The following OR5T1 variants were observed in gnomAD, a reference collection of about 807,000 sequenced individuals.
The protein encoded by OR5T1 is olfactory receptor 5T1.
Under a neutral mutation model 10.1 loss-of-function variants are expected in OR5T1, and 14 were observed. The observed-to-expected ratio is 1.39, with a 90% CI of 0.92 to 2.18. The LOEUF is 2.18. Ranked by LOEUF, OR5T1 falls within the 30% of genes most tolerant of loss-of-function variation. The pLI is 0.00. For synonymous variants in OR5T1, 166 were observed against 141.2 expected, an observed-to-expected ratio of 1.18 and a Z score of -1.24; for missense variants, 461 against 383.9, an observed-to-expected ratio of 1.20 and a Z score of -1.68.
chr11:56,274,507 A>G (rs1853912540), intron 1 of OR5T1, 129 bp from the exon 2 acceptor site: 1 of 152,208 alleles, frequency 6.6e-6, no homozygotes, highest in Non-Finnish European at 1.5e-5. Context: ...AGGACTTCAC[A>G]GGCATAATGA....
rs955751895 is a variant in OR5T1 at position 56,275,346 on chromosome 11, C to T, written c.-153-140C>T. 5.0e-5 allele frequency: 12 copies of T among 241,146 alleles called. No homozygotes were observed. In the South Asian group the frequency reaches 6.8e-4, roughly 14 times the overall value. The allele number at this position is 241,146 out of a possible 1,614,324, so 14.9% of individuals were successfully genotyped here. Reference sequence around the variant, plus strand: ...GTTCTCATTGTTCAACTCCCACTTACGTGTGAGAACATGCGGTGTTTGGTT... The same window carrying T: ...GTTCTCATTGTTCAACTCCCACTTATGTGTGAGAACATGCGGTGTTTGGTT... On this transcript the variant is annotated intron_variant, in intron 2 of 2. Transcript: ENST00000641665.
At position 56,276,758 on chromosome 11, in the gene OR5T1, A is replaced by T; in HGVS notation, c.*139A>T. 1.6e-6 allele frequency: 1 copy of T among 636,632 alleles called. No individual in the cohort carries two copies. The highest frequency in any genetic ancestry group is 2.7e-6 in the Non-Finnish European group (1 of 370,884). 39.4% of individuals were successfully genotyped at this position (636,632 alleles called of 1,614,324 possible). Reference sequence around the variant, plus strand: ...AATATTTTCAAATAAAGCATCAATCAGCCTACTAATTCACCATTTTAGAAA... The same window carrying T: ...AATATTTTCAAATAAAGCATCAATCTGCCTACTAATTCACCATTTTAGAAA... On this transcript the variant is annotated 3_prime_UTR_variant, in exon 3 of 3. Coordinates refer to ENST00000641665, the MANE Select transcript of OR5T1 (RefSeq NM_001004745.2).
chr11:56,276,466 CA>C lies in OR5T1; in HGVS notation c.829del (p.Ser277AlafsTer8). ...ILFMYVRPSS[S>X]YTSDNDMIVS... The stretch of plus-strand genomic sequence containing the variant: ...TCTTCATGTATGTGAGACCAAGTTC[CA>C]GCTACACTTCGGACAATGACATGAT... On this transcript the variant is annotated frameshift_variant, in exon 3 of 3. Coordinates refer to ENST00000641665, the MANE Select transcript of OR5T1 (RefSeq NM_001004745.2). LOFTEE classifies it low-confidence loss of function (END_TRUNC). The C allele has an allele frequency of 6.2e-7, 1 of 1,614,066 alleles. No individual in the cohort carries two copies. Among genetic ancestry groups the C allele is most frequent in the South Asian group, 1.1e-5 (1 of 91,074 alleles).
chr11:56,275,761 A>C lies in OR5T1; in HGVS notation c.123A>C (p.Leu41Phe). ...TTGATGTGCAAGTCTTCCTATTTTT[A>C]TTATTTTTAGCAATCTATCTATTCA... ...EEFDVQVFLF[L>F]LFLAIYLFTL... The change falls in exon 3 of 3, where the codon TTA (leucine) becomes TTC (phenylalanine). Residue 41 changes from leucine to phenylalanine, a missense_variant. Physicochemically the swap from Leu to Phe is conservative, Grantham distance 22. Coordinates refer to ENST00000641665, the MANE Select transcript of OR5T1 (RefSeq NM_001004745.2). The C allele has an allele frequency of 6.2e-7, 1 of 1,612,404 alleles. No homozygotes were observed. The highest frequency in any genetic ancestry group is 1.7e-5 in the Admixed American group (1 of 59,986).
Position 56,275,846 on chromosome 11 carries a change from C to A in OR5T1, c.208C>A (p.Pro70Thr), listed in dbSNP as rs1433316027. The A allele has an allele frequency of 1.2e-6, 2 of 1,613,994 alleles. No individual in the cohort carries two copies. The highest frequency in any genetic ancestry group is 2.7e-5 in the African/African-American group (2 of 75,022). ...PIIGDFWLHSPMYYFLGVLSF... is the reference protein window; with the variant it reads ...PIIGDFWLHSTMYYFLGVLSF... ...CATTGGGGATTTCTGGCTTCACAGC[C>A]CAATGTACTATTTTCTTGGTGTTTT... Residue 70 changes from proline to threonine, a missense_variant, in exon 3 of 3, where the codon CCA (proline) becomes ACA (threonine). Physicochemically the swap from Pro to Thr is conservative, Grantham distance 38. Transcript: ENST00000641665.
intron 2 of OR5T1, 129 bp downstream of exon 2, chr11:56,274,882 G>C (rs1039979891): frequency 6.6e-6 from 1 of 151,640 alleles, no homozygotes; most frequent in African/African-American, 2.4e-5. Flanking sequence ...TAGTTATCTG[G>C]GCATATTTAA....
At position 56,275,572 on chromosome 11, in the gene OR5T1, A is replaced by C; in HGVS notation, c.-67A>C. 1 of 1,247,586 alleles carries C rather than the reference A, an allele frequency of 8.0e-7. No homozygotes were observed. Among genetic ancestry groups the C allele is most frequent in the Non-Finnish European group, 1.1e-6 (1 of 900,508 alleles). The allele number at this position is 1,247,586 out of a possible 1,614,324, so 77.3% of individuals were successfully genotyped here. On this transcript the variant is annotated 5_prime_UTR_variant, in exon 3 of 3. Coordinates refer to ENST00000641665, the MANE Select transcript of OR5T1 (RefSeq NM_001004745.2). ...CTTGCTTTTCCAAGAAACGAACATGAGGATATAATTGGATAAACTTAATTT... is the reference window on the plus strand; with the variant it reads ...CTTGCTTTTCCAAGAAACGAACATGCGGATATAATTGGATAAACTTAATTT...
chr11:56,276,495 T>C lies in OR5T1; in HGVS notation c.857T>C (p.Val286Ala). The change falls in exon 3 of 3, where the codon GTG (valine) becomes GCG (alanine). Residue 286 changes from valine to alanine, a missense_variant. Val to Ala is a moderately conservative substitution (Grantham distance 64). Coordinates refer to ENST00000641665, the MANE Select transcript of OR5T1 (RefSeq NM_001004745.2). ...TACACTTCGGACAATGACATGATAG[T>C]GTCAATATTTTATACCATTGTGATT... ...SSYTSDNDMI[V>A]SIFYTIVIPM... 6.2e-7 allele frequency: 1 copy of C among 1,614,050 alleles called. No individual in the cohort carries two copies.
Position 56,275,974 on chromosome 11 carries a change from G to C in OR5T1, c.336G>C (p.Gln112His). Residue 112 changes from glutamine (Q) to histidine (H), a missense_variant, in exon 3 of 3, where the codon CAG becomes CAC. By Grantham distance (24) the Gln-to-His change is conservative. Transcript: ENST00000641665. ...TTTCATTTCTTGGATGTGCAACACA[G>C]ATGTTTCTTGCTTGTACTTTTGGAA... Reference protein sequence around the residue: ...KSISFLGCATQMFLACTFGTT... With the variant: ...KSISFLGCATHMFLACTFGTT... 1 of 1,614,140 alleles carries C rather than the reference G, an allele frequency of 6.2e-7. No homozygotes were observed. Among genetic ancestry groups the C allele is most frequent in the Non-Finnish European group, 8.5e-7 (1 of 1,180,038 alleles).
chr11:56,274,429 G>A (rs545174659), intron 1 of OR5T1, among the ~76,000 whole-genome samples: 16 of 151,992 alleles, frequency 1.1e-4, no homozygotes, highest in South Asian at 2.1e-4. Flanking sequence ...CAGAAGTTAC[G>A]TAAGAATCAT....
rs776340991 is a variant in OR5T1, at chr11:56,276,394, A to C, written c.756A>C (p.Thr252=). 7 of 1,613,986 alleles carry C rather than the reference A, an allele frequency of 4.3e-6. No homozygotes were observed. In the East Asian group the frequency reaches 1.3e-4, roughly 31 times the overall value. The change falls in exon 3 of 3, where the codon ACA becomes ACC. Residue 252 remains threonine, a synonymous_variant. Transcript: ENST00000641665. ...AAGGGAGGAGAAAAGTCTTCTCTAC[A>C]TGTGGAGCTCACCTAACTGGAGTGA... The part of the protein sequence containing the change: ...SAEGRRKVFS[T]CGAHLTGVTI...
Position 56,275,957 on chromosome 11 carries a change from C to A in OR5T1, c.319C>A (p.Leu107Ile), listed in dbSNP as rs1853933517. Reference protein sequence around the residue: ...FLAKNKSISFLGCATQMFLAC... With the variant: ...FLAKNKSISFIGCATQMFLAC... ...GGCAAAAAATAAATCTATTTCATTTCTTGGATGTGCAACACAGATGTTTCT... is the reference window on the plus strand; with the variant it reads ...GGCAAAAAATAAATCTATTTCATTTATTGGATGTGCAACACAGATGTTTCT... Residue 107 changes from leucine (L) to isoleucine (I), a missense_variant, in exon 3 of 3, where the codon CTT becomes ATT. By Grantham distance (5) the Leu-to-Ile change is conservative (BLOSUM62 2). Coordinates refer to ENST00000641665, the MANE Select transcript of OR5T1 (RefSeq NM_001004745.2). 1 of 1,614,138 alleles carries A rather than the reference C, an allele frequency of 6.2e-7. No individual in the cohort carries two copies. Among genetic ancestry groups the A allele is most frequent in the East Asian group, 2.2e-5 (1 of 44,874 alleles).
chr11:56,275,599 C>A lies in OR5T1; in HGVS notation c.-40C>A. 6.8e-7 allele frequency: 1 copy of A among 1,477,914 alleles called. No homozygotes were observed. The highest frequency in any genetic ancestry group is 9.1e-7 in the Non-Finnish European group (1 of 1,103,680). The allele number at this position is 1,477,914 out of a possible 1,614,324, so 91.6% of individuals were successfully genotyped here. On this transcript the variant is annotated 5_prime_UTR_variant, in exon 3 of 3. Transcript: ENST00000641665. Reference sequence around the variant, plus strand: ...GATATAATTGGATAAACTTAATTTTCACAGGCTGTTGCATTTAGTACATAT... The same window carrying A: ...GATATAATTGGATAAACTTAATTTTAACAGGCTGTTGCATTTAGTACATAT...
Position 56,275,847 on chromosome 11 carries a change from C to G in OR5T1, c.209C>G (p.Pro70Arg), listed in dbSNP as rs1853931015. The change falls in exon 3 of 3, where the codon CCA becomes CGA. Residue 70 changes from proline (P) to arginine (R), a missense_variant. Coordinates refer to ENST00000641665, the MANE Select transcript of OR5T1 (RefSeq NM_001004745.2). ...ATTGGGGATTTCTGGCTTCACAGCC[C>G]AATGTACTATTTTCTTGGTGTTTTA... ...PIIGDFWLHS[P>R]MYYFLGVLSF... 5.6e-6 allele frequency: 9 copies of G among 1,613,916 alleles called. No individual in the cohort carries two copies. The highest frequency in any genetic ancestry group is 2.2e-5 in the East Asian group (1 of 44,890).
intron 2 of OR5T1, 135 bp from the exon 3 acceptor site, chr11:56,275,351 G>A (rs533611481): frequency 1.3e-4 from 33 of 255,016 alleles, no homozygotes; most frequent in Admixed American, 1.2e-3. Context: ...ACTTACGTGT[G>A]AGAACATGCG....
chr11:56,276,384 T>G lies in OR5T1; in HGVS notation c.746T>G (p.Val249Gly). ...CAGTCTGCTGAAGGGAGGAGAAAAG[T>G]CTTCTCTACATGTGGAGCTCACCTA... ...KMQSAEGRRK[V>G]FSTCGAHLTG... Residue 249 changes from valine (V) to glycine (G), a missense_variant, in exon 3 of 3, where the codon GTC (valine) becomes GGC (glycine). Coordinates refer to ENST00000641665, the MANE Select transcript of OR5T1 (RefSeq NM_001004745.2). 6.2e-7 allele frequency: 1 copy of G among 1,614,140 alleles called. No homozygotes were observed. The highest frequency in any genetic ancestry group is 8.5e-7 in the Non-Finnish European group (1 of 1,180,028).
In OR5T1 at chr11:56,276,687, A is replaced by G; in HGVS notation, c.*68A>G. 2.6e-6 allele frequency: 3 copies of G among 1,160,646 alleles called. No homozygotes were observed. The highest frequency in any genetic ancestry group is 3.7e-6 in the Non-Finnish European group (3 of 812,894). The allele number at this position is 1,160,646 out of a possible 1,614,324, so 71.9% of individuals were successfully genotyped here. On this transcript the variant is annotated 3_prime_UTR_variant, in exon 3 of 3. Coordinates refer to ENST00000641665, the MANE Select transcript of OR5T1 (RefSeq NM_001004745.2). ...CCACATCTCTATGGTCAGAAAGTAG[A>G]GAAGAAAATGTGTTTCTTTTAGTTA...
In OR5T1 at chr11:56,276,287, T is replaced by G. The variant is rs371945161; in HGVS notation, c.649T>G (p.Ser217Ala). ...IQLLFFYFVGSIEIVTILIVL... is the reference protein window; with the variant it reads ...IQLLFFYFVGAIEIVTILIVL... ...GCTTCTATTCTTCTACTTTGTGGGC[T>G]CTATTGAGATAGTCACTATCCTGAT... The change falls in exon 3 of 3, where the codon TCT becomes GCT. Residue 217 changes from serine (S) to alanine (A), a missense_variant. Physicochemically the swap from Ser to Ala is moderately conservative, Grantham distance 99. Transcript: ENST00000641665. 2 of 1,614,128 alleles carry G rather than the reference T, an allele frequency of 1.2e-6. No homozygotes were observed. The highest frequency in any genetic ancestry group is 1.7e-6 in the Non-Finnish European group (2 of 1,180,006).
rs1251731785 is a variant in OR5T1 at position 56,275,800 on chromosome 11, T to C, written c.162T>C (p.Asn54=). The change falls in exon 3 of 3, where the codon AAT becomes AAC. Residue 54 remains asparagine, a synonymous_variant. Transcript: ENST00000641665. ...TCTATCTATTCACTCTAATAGGCAA[T>C]TTAGGGCTGGTTGTACCGATCATTG... ...LAIYLFTLIG[N]LGLVVPIIGD... is the part of the protein sequence containing the mutation. 1.9e-6 allele frequency: 3 copies of C among 1,613,272 alleles called. No homozygotes were observed. Among genetic ancestry groups the C allele is most frequent in the Non-Finnish European group, 2.5e-6 (3 of 1,179,298 alleles).
Sources: allele counts gnomAD v4.1 joint callset (sites outside exome capture counted in the v4.1 genomes callset), GRCh38; gene constraint gnomAD v4.1.1; transcripts MANE v1.5; gene names NCBI Gene and HGNC (gene_info 2026-07-23, HGNC 2026-07-21).